The following GRM7 variants were observed in gnomAD, a reference collection of about 807,000 sequenced individuals.
GRM7 encodes the protein glutamate metabotropic receptor 7.
GRM7 carries 35 observed loss-of-function variants against 84.5 expected under a neutral mutation model. The observed-to-expected ratio is 0.41, with a 90% confidence interval of 0.32 to 0.55. GRM7 has a LOEUF of 0.55. Among genes scored for constraint, GRM7 ranks in the 20% least tolerant of loss-of-function variants. The pLI is 0.19. For synonymous variants in GRM7, 487 were observed against 455.1 expected (o/e 1.07, Z -0.89); for missense variants, 1,003 against 1,194.6 (o/e 0.84, Z 2.36).
chr3:7,344,006 C>A (rs768875757), intron 4 of GRM7, among the ~76,000 whole-genome samples: 2 of 152,040 alleles, frequency 1.3e-5, no homozygotes, highest in Non-Finnish European at 2.9e-5. Context: ...ACTCTCAAAT[C>A]AGCAAAAACT....
intron 2 of GRM7, among the ~76,000 whole-genome samples, chr3:7,248,337 T>C (rs1471468889): frequency 1.3e-5 from 2 of 152,158 alleles, no homozygotes; most frequent in African/African-American, 4.8e-5. Context: ...ATCTTAAACA[T>C]ATGTCAGATA....
chr3:7,158,012 G>T (rs987431447), intron 2 of GRM7, among the ~76,000 whole-genome samples: 2 of 152,160 alleles, frequency 1.3e-5, no homozygotes, highest in Admixed American at 1.3e-4. Flanking sequence ...TTCAAAAACT[G>T]TGTGGGAGAG....
chr3:7,629,546 C>T (rs1697774633), intron 8 of GRM7, among the ~76,000 whole-genome samples: 1 of 152,102 alleles, frequency 6.6e-6, no homozygotes, highest in African/African-American at 2.4e-5. Flanking sequence ...CCCTTTTGAC[C>T]CCATTGATCC....
chr3:7,117,528 G>A (rs1051755027), intron 1 of GRM7, among the ~76,000 whole-genome samples: 1 of 152,130 alleles, frequency 6.6e-6, no homozygotes, highest in Non-Finnish European at 1.5e-5. Context: ...GCATCAAGTG[G>A]TCTAAGCTAT....
intron 1 of GRM7, among the ~76,000 whole-genome samples, chr3:6,888,030 T>G (rs1426701941): frequency 6.6e-6 from 1 of 152,250 alleles, no homozygotes. Flanking sequence ...AAATGTCTTC[T>G]GTTGAGAAGT....
At chr3:7,466,527 G>A (rs1196053616) in intron 7 of GRM7, among the ~76,000 whole-genome samples, 1 of 152,166 alleles carries the variant, frequency 6.6e-6, no homozygotes, top group East Asian at 1.9e-4. Context: ...TATATTATGT[G>A]TGATAGAAAC....
In GRM7 at chr3:7,229,759, A is replaced by AT. The variant is rs1200808989; in HGVS notation, c.737-68910dup. Among the ~76,000 whole-genome samples the AT allele has an allele frequency of 7.7e-3, 232 of 30,248 alleles. 2 individuals are homozygous for AT. The highest frequency in any genetic ancestry group is 0.038 in the South Asian group (20 of 524). The allele number at this position is 30,248 out of a possible 152,430, so 19.8% of individuals were successfully genotyped here. On this transcript the variant is annotated intron_variant, in intron 2 of 9. Coordinates refer to ENST00000357716, the MANE Select transcript of GRM7 (RefSeq NM_000844.4). The stretch of plus-strand genomic sequence containing the variant: ...TATATATATATATATATATATATAT[A>AT]TTTTTTTTTTTTTTTGGTTGACAGG...
At chr3:7,004,421 T>A (rs968789137) in intron 1 of GRM7, among the ~76,000 whole-genome samples, 44 of 152,182 alleles carry the variant, frequency 2.9e-4, no homozygotes, top group African/African-American at 8.9e-4. Flanking sequence ...AGGACAAATA[T>A]GAATTGGATA....
At chr3:7,635,166 C>T (rs954049908) in intron 8 of GRM7, among the ~76,000 whole-genome samples, 1 of 152,170 alleles carries the variant, frequency 6.6e-6, no homozygotes, top group Admixed American at 6.5e-5. Context: ...CGGCTAATGG[C>T]CGCCATCTGG....
At chr3:7,295,739 T>C (rs1028924306) in intron 2 of GRM7, among the ~76,000 whole-genome samples, 10 of 152,106 alleles carry the variant, frequency 6.6e-5, no homozygotes, top group Non-Finnish European at 1.3e-4. Flanking sequence ...AGTAGTTCCT[T>C]CCTATGATCG....
chr3:7,679,239 A>G (rs192447221), intron 8 of GRM7, among the ~76,000 whole-genome samples: 3 of 152,324 alleles, frequency 2.0e-5, no homozygotes, highest in Admixed American at 2.0e-4. Flanking sequence ...TGATTGAATG[A>G]GTACAGTTCA....
At chr3:7,447,673 G>C (rs1410816290) in intron 5 of GRM7, among the ~76,000 whole-genome samples, 1 of 151,878 alleles carries the variant, frequency 6.6e-6, no homozygotes, top group Admixed American at 6.6e-5. Context: ...TGACACAATT[G>C]ACTAATCTCT....
intron 5 of GRM7, among the ~76,000 whole-genome samples, chr3:7,435,935 C>A (rs1382533499): frequency 2.1e-5 from 3 of 146,036 alleles, no homozygotes; most frequent in Non-Finnish European, 3.0e-5. Context: ...ATCTCCTGAC[C>A]TTGTGATCCA....
In GRM7 at chr3:7,680,064, A is replaced by G. The variant is rs1337841916; in HGVS notation, c.2467A>G (p.Thr823Ala). 5 of 1,613,902 alleles carry G rather than the reference A, an allele frequency of 3.1e-6. No individual in the cohort carries two copies. Among genetic ancestry groups the G allele is most frequent in the Non-Finnish European group, 4.2e-6 (5 of 1,179,920 alleles). The change falls in exon 9 of 10, where the codon ACC becomes GCC. Residue 823 changes from threonine to alanine, a missense_variant. By Grantham distance (58) the Thr-to-Ala change is moderately conservative. Coordinates refer to ENST00000357716, the MANE Select transcript of GRM7 (RefSeq NM_000844.4). ...QSAEKLYIQT[T>A]TLTISMNLSA... Reference sequence around the variant, plus strand: ...TGTCTCCTAGCTCTACATACAAACTACCACGCTTACAATCTCCATGAACCT... The same window carrying G: ...TGTCTCCTAGCTCTACATACAAACTGCCACGCTTACAATCTCCATGAACCT...
intron 4 of GRM7, among the ~76,000 whole-genome samples, chr3:7,326,727 A>C (rs942698140): frequency 7.9e-5 from 12 of 151,808 alleles, no homozygotes; most frequent in Admixed American, 6.6e-4. Flanking sequence ...CAAGCAACTC[A>C]GGAGGCTGAG....
chr3:7,505,186 C>T (rs566595947), intron 7 of GRM7, among the ~76,000 whole-genome samples: 74 of 152,288 alleles, frequency 4.9e-4, no homozygotes, highest in Non-Finnish European at 4.9e-4. Context: ...TCTGTGTTGC[C>T]TCCAGGACAC....
At chr3:7,253,056 A>AG (rs1698063854) in intron 2 of GRM7, among the ~76,000 whole-genome samples, 1 of 149,300 alleles carries the variant, frequency 6.7e-6, no homozygotes, top group African/African-American at 2.5e-5. Flanking sequence ...TTGACTTCAC[A>AG]GGAATAATGG....
intron 2 of GRM7, among the ~76,000 whole-genome samples, chr3:7,204,623 G>A (rs562696640): frequency 1.3e-5 from 2 of 152,288 alleles, no homozygotes; most frequent in Non-Finnish European, 2.9e-5. Context: ...ATGAGTGCTA[G>A]GTGGGCAAAT....
At chr3:7,713,791 CTTTCTTT>C (rs1490807552) in intron 9 of GRM7, among the ~76,000 whole-genome samples, 18 of 113,856 alleles carry the variant, frequency 1.6e-4, no homozygotes, top group Non-Finnish European at 2.7e-4. Flanking sequence ...GCCACGGATG[CTTTCTTT>C]TTTTTTTTTT....
Sources: allele counts gnomAD v4.1 joint callset (sites outside exome capture counted in the v4.1 genomes callset), GRCh38; gene constraint gnomAD v4.1.1; transcripts MANE v1.5; gene names NCBI Gene and HGNC (gene_info 2026-07-23, HGNC 2026-07-21).